The following LHPP variants were observed in gnomAD, a reference collection of about 807,000 sequenced individuals.
LHPP encodes phospholysine phosphohistidine inorganic pyrophosphate phosphatase, also known as hLHPP.
A neutral mutation model predicts 30.3 loss-of-function variants in LHPP; 24 were observed. The ratio of observed to expected loss-of-function variants is 0.79; its 90% CI spans 0.57 to 1.11. The LOEUF (loss-of-function observed/expected upper bound fraction) is 1.11, where lower values mean the gene tolerates loss of function less well. LHPP is among the 50% of genes most tolerant of loss of function. The pLI is 0.00. For missense variants in LHPP, 356 were observed against 367.2 expected, an observed-to-expected ratio of 0.97 and a Z score of 0.25; for synonymous variants, 150 against 157.1, an observed-to-expected ratio of 0.95 and a Z score of 0.34.
intron 5 of LHPP, among the ~76,000 whole-genome samples, chr10:124,516,813 A>G (rs1038474686): frequency 2.0e-5 from 3 of 152,200 alleles, no homozygotes; most frequent in Non-Finnish European, 4.4e-5. Context: ...CATGGAATCA[A>G]GGGCAAATAA....
At chr10:124,520,128 C>A (rs543237767) in intron 6 of LHPP, among the ~76,000 whole-genome samples, 87 of 152,112 alleles carry the variant, frequency 5.7e-4, no homozygotes, top group African/African-American at 2.0e-3. Flanking sequence ...CCACCGCGCC[C>A]GGCCTCTTTC....
intron 6 of LHPP, among the ~76,000 whole-genome samples, chr10:124,612,651 A>C (rs1434245481): frequency 6.6e-6 from 1 of 152,174 alleles, no homozygotes; most frequent in Non-Finnish European, 1.5e-5. Context: ...GGAATGGCTG[A>C]AGGCTTTGGA....
chr10:124,583,697 T>C (rs746819304), intron 6 of LHPP, among the ~76,000 whole-genome samples: 7 of 152,110 alleles, frequency 4.6e-5, no homozygotes, highest in Non-Finnish European at 7.4e-5. Context: ...CCAGATCTCA[T>C]GAGAACTTAC....
At chr10:124,520,659 C>T (rs557059540) in intron 6 of LHPP, among the ~76,000 whole-genome samples, 17 of 152,282 alleles carry the variant, frequency 1.1e-4, no homozygotes, top group African/African-American at 3.1e-4. Context: ...GGGACCCAGT[C>T]GCTGGGGGAG....
intron 6 of LHPP, among the ~76,000 whole-genome samples, chr10:124,522,998 C>A (rs1022585545): frequency 2.0e-5 from 3 of 152,192 alleles, no homozygotes; most frequent in Admixed American, 6.5e-5. Flanking sequence ...GGCCGTGTGG[C>A]CTCTCACCAC....
intron 5 of LHPP, among the ~76,000 whole-genome samples, chr10:124,503,940 T>C (rs2807048): frequency 0.68 from 103,136 of 152,028 alleles, 35,423 homozygotes; most frequent in South Asian, 0.8. Flanking sequence ...ACCTGTAATC[T>C]CAGCACTTTA....
chr10:124,580,173 TTA>T (rs1948725406), intron 6 of LHPP, among the ~76,000 whole-genome samples: 2 of 152,264 alleles, frequency 1.3e-5, no homozygotes, highest in Non-Finnish European at 1.5e-5. Flanking sequence ...CGTTTGTCAG[TTA>T]TATGTGGTGC....
intron 6 of LHPP, among the ~76,000 whole-genome samples, chr10:124,521,690 G>A (rs2133917139): frequency 6.6e-6 from 1 of 152,308 alleles, no homozygotes; most frequent in Admixed American, 6.5e-5. Flanking sequence ...GCATGGGGAG[G>A]CCGTCCAGGC....
In LHPP at chr10:124,471,474, ATATATATTTATATATT is replaced by A. The variant is rs1564767965; in HGVS notation, c.125+9495_125+9510del. Among the ~76,000 whole-genome samples the A allele has an allele frequency of 3.9e-4, 15 of 38,194 alleles. 3 individuals carry two copies. Among genetic ancestry groups the A allele is most frequent in the East Asian group, 2.6e-3 (5 of 1,918 alleles). 25.1% of individuals were successfully genotyped at this position (38,194 alleles called of 152,430 possible). A position where few individuals can be genotyped will look rare whatever the true frequency, so the allele number is the denominator to read the frequency against. On this transcript the variant is annotated intron_variant, in intron 1 of 6. Coordinates refer to ENST00000368842, the MANE Select transcript of LHPP (RefSeq NM_022126.4). ...ATATATTTATATATATTTATATATT[ATATATATTTATATATT>A]TATATATATTTATATATTATATATA...
chr10:124,469,884 T>G (rs1377061374), intron 1 of LHPP, among the ~76,000 whole-genome samples: 2 of 151,982 alleles, frequency 1.3e-5, no homozygotes, highest in African/African-American at 2.4e-5. Context: ...GCAGATCCCA[T>G]GGCGAGGGAG....
At chr10:124,566,864 G>A (rs74160934) in intron 6 of LHPP, among the ~76,000 whole-genome samples, 1,882 of 152,276 alleles carry the variant, frequency 0.012, 35 homozygotes, top group African/African-American at 0.043. Flanking sequence ...CCCTCCCAAG[G>A]TCAGGCCCCA....
At chr10:124,547,337 T>C (rs1801499082) in intron 6 of LHPP, among the ~76,000 whole-genome samples, 1 of 152,270 alleles carries the variant, frequency 6.6e-6, no homozygotes. Flanking sequence ...CTTATTTTCA[T>C]GTTTTTAAAC....
intron 6 of LHPP, among the ~76,000 whole-genome samples, chr10:124,612,377 C>A (rs1162329135): frequency 6.6e-6 from 1 of 152,166 alleles, no homozygotes; most frequent in Non-Finnish European, 1.5e-5. Flanking sequence ...TGCACTCCAG[C>A]CTGGGCAACA....
At chr10:124,466,751 C>T (rs1952562396) in intron 1 of LHPP, among the ~76,000 whole-genome samples, 1 of 151,954 alleles carries the variant, frequency 6.6e-6, no homozygotes, top group African/African-American at 2.4e-5. Context: ...GCCACCGCGC[C>T]CAGCCTGCAT....
intron 2 of LHPP, among the ~76,000 whole-genome samples, chr10:124,486,312 G>T (rs561803237): frequency 6.6e-6 from 1 of 152,110 alleles, no homozygotes; most frequent in South Asian, 2.1e-4. Context: ...GATTTTTTCC[G>T]TTATAAATAA....
intron 1 of LHPP, among the ~76,000 whole-genome samples, chr10:124,469,495 C>T (rs1952665108): frequency 2.0e-5 from 3 of 148,754 alleles, no homozygotes; most frequent in South Asian, 2.1e-4. Flanking sequence ...CTTCCCTTCA[C>T]ACCAGCCCCT....
intron 6 of LHPP, among the ~76,000 whole-genome samples, chr10:124,568,490 C>T (rs1007681460): frequency 6.6e-6 from 1 of 152,180 alleles, no homozygotes; most frequent in African/African-American, 2.4e-5. Flanking sequence ...TCGAGTCTGG[C>T]TGCTTTTGCT....
chr10:124,511,614 C>T (rs1954300146), intron 5 of LHPP, among the ~76,000 whole-genome samples: 1 of 152,196 alleles, frequency 6.6e-6, no homozygotes, highest in Non-Finnish European at 1.5e-5. Context: ...GGAGGCCCCT[C>T]TGGCCTCTGC....
chr10:124,476,633 G>A (rs1343453177), intron 1 of LHPP, among the ~76,000 whole-genome samples: 1 of 152,226 alleles, frequency 6.6e-6, no homozygotes, highest in Non-Finnish European at 1.5e-5. Context: ...GTGCTTCATG[G>A]TGCAGGGCAC....
Sources: gnomAD v4.1 joint callset for allele counts (sites outside exome capture counted in the v4.1 genomes callset) on GRCh38, gnomAD v4.1.1 for gene constraint, MANE v1.5 for transcripts, NCBI Gene and HGNC (gene_info 2026-07-23, HGNC 2026-07-21) for gene names.